KAZN: variants seen among roughly 807,000 people sequenced by gnomAD.
KAZN encodes the protein kazrin, periplakin interacting protein, also known as kazrin.
In KAZN, 40 loss-of-function variants were observed where a neutral mutation model predicts 87.4. The observed-to-expected ratio is 0.46, with a 90% CI of 0.36 to 0.60. KAZN has a LOEUF of 0.60. Among genes scored for constraint, KAZN ranks in the 20% least tolerant of loss-of-function variants. The pLI is 0.00. For missense variants in KAZN, 898 were observed against 1,073.9 expected (o/e 0.84, Z 2.29); for synonymous variants, 466 against 458.3 (o/e 1.02, Z -0.22).
intron 1 of KAZN, among the ~76,000 whole-genome samples, chr1:14,749,742 C>T (rs908527514): frequency 2.6e-4 from 40 of 152,256 alleles, no homozygotes; most frequent in African/African-American, 8.9e-4. Flanking sequence ...AACAGACTTG[C>T]CCAGTCCTCT....
intron 2 of KAZN, among the ~76,000 whole-genome samples, chr1:14,297,080 A>G (rs1359508486): frequency 2.0e-5 from 3 of 152,098 alleles, no homozygotes; most frequent in Admixed American, 6.5e-5. Context: ...ATCAATTAGC[A>G]ATGCATTCAG....
At chr1:15,060,567 T>A in intron 6 of KAZN, 1 of 477,014 alleles carries the variant, frequency 2.1e-6, no homozygotes. Flanking sequence ...AGGCACAGCC[T>A]GGAACTCTGC....
At chr1:14,367,988 G>A (rs1057259656) in intron 2 of KAZN, among the ~76,000 whole-genome samples, 1 of 152,208 alleles carries the variant, frequency 6.6e-6, no homozygotes, top group Non-Finnish European at 1.5e-5. Context: ...GGGATAGCGA[G>A]AGCTTGAAAT....
chr1:14,422,683 A>G (rs1665502627), intron 2 of KAZN, among the ~76,000 whole-genome samples: 1 of 152,228 alleles, frequency 6.6e-6, no homozygotes, highest in Non-Finnish European at 1.5e-5. Context: ...CCTTGCATCC[A>G]GAAGATATTA....
At chr1:14,590,175 C>G (rs1203436872) in intron 2 of KAZN, among the ~76,000 whole-genome samples, 1 of 151,856 alleles carries the variant, frequency 6.6e-6, no homozygotes, top group East Asian at 1.9e-4. Context: ...TACCAGTGAG[C>G]AAAAAAATAA....
At chr1:14,469,502 A>G (rs1336708244) in intron 2 of KAZN, among the ~76,000 whole-genome samples, 1 of 152,182 alleles carries the variant, frequency 6.6e-6, no homozygotes, top group Admixed American at 6.5e-5. Context: ...GAAAACTGTT[A>G]TTGTTGCTGA....
intron 1 of KAZN, among the ~76,000 whole-genome samples, chr1:13,927,495 T>C (rs772866252): frequency 6.6e-6 from 1 of 152,146 alleles, no homozygotes; most frequent in Non-Finnish European, 1.5e-5. Flanking sequence ...CAGAGGTGGG[T>C]TAGGAGTTTG....
chr1:13,920,391 A>C (rs1640018876), intron 1 of KAZN, among the ~76,000 whole-genome samples: 1 of 152,212 alleles, frequency 6.6e-6, no homozygotes, highest in Non-Finnish European at 1.5e-5. Flanking sequence ...CTCACACCAT[A>C]CTGTTTTAAT....
At chr1:15,110,932 C>A (rs1253938209) in intron 13 of KAZN, among the ~76,000 whole-genome samples, 1 of 152,242 alleles carries the variant, frequency 6.6e-6, no homozygotes, top group Non-Finnish European at 1.5e-5. Flanking sequence ...ATCCAGCACC[C>A]CTCTGTGCCA....
intron 8 of KAZN, among the ~76,000 whole-genome samples, chr1:15,084,083 G>T (rs559714471): frequency 5.9e-4 from 90 of 152,330 alleles, no homozygotes; most frequent in African/African-American, 2.1e-3. Flanking sequence ...GTGAATAATG[G>T]TATCATCTTC....
At chr1:13,945,319 A>G (rs1641094820) in intron 1 of KAZN, among the ~76,000 whole-genome samples, 1 of 152,054 alleles carries the variant, frequency 6.6e-6, no homozygotes, top group African/African-American at 2.4e-5. Flanking sequence ...TACTAAAAAT[A>G]CAACATTAGC....
chr1:14,788,455 T>C (rs1037772816), intron 1 of KAZN, among the ~76,000 whole-genome samples: 1 of 151,546 alleles, frequency 6.6e-6, no homozygotes, highest in African/African-American at 2.4e-5. Context: ...GTAAATTGAA[T>C]TCATGGGGAG....
At chr1:14,082,774 T>C (rs1643728214) in intron 1 of KAZN, among the ~76,000 whole-genome samples, 1 of 152,206 alleles carries the variant, frequency 6.6e-6, no homozygotes, top group Non-Finnish European at 1.5e-5. Flanking sequence ...CCTGTATTTC[T>C]CATATTTCCA....
At chr1:14,970,677 T>C (rs545646476) in intron 2 of KAZN, among the ~76,000 whole-genome samples, 74 of 152,320 alleles carry the variant, frequency 4.9e-4, no homozygotes, top group African/African-American at 1.7e-3. Context: ...CGGCGTCTGC[T>C]TCAACACTTG....
intron 1 of KAZN, among the ~76,000 whole-genome samples, chr1:13,980,612 A>G (rs1333914713): frequency 6.6e-6 from 1 of 152,176 alleles, no homozygotes; most frequent in Non-Finnish European, 1.5e-5. Flanking sequence ...TATAGCCCCA[A>G]ATATATAAAG....
chr1:13,933,788 T>C (rs549021643), intron 1 of KAZN, among the ~76,000 whole-genome samples: 1 of 152,344 alleles, frequency 6.6e-6, no homozygotes, highest in East Asian at 1.9e-4. Context: ...TATGACCCAA[T>C]GAGGTGCCTG....
At chr1:14,046,985 G>A (rs1158235392) in intron 1 of KAZN, among the ~76,000 whole-genome samples, 1 of 152,166 alleles carries the variant, frequency 6.6e-6, no homozygotes, top group Non-Finnish European at 1.5e-5. Flanking sequence ...CACCTTATGA[G>A]CCTTTTGAAC....
intron 2 of KAZN, among the ~76,000 whole-genome samples, chr1:14,403,376 T>TA: frequency 6.6e-6 from 1 of 151,484 alleles, no homozygotes; most frequent in Non-Finnish European, 1.5e-5. Flanking sequence ...CAAGAGTTCT[T>TA]AGTAAAGATC....
chr1:14,651,452 T>C (rs1638369320), intron 1 of KAZN, among the ~76,000 whole-genome samples: 1 of 152,132 alleles, frequency 6.6e-6, no homozygotes, highest in African/African-American at 2.4e-5. Context: ...TAGTGGATAA[T>C]ATGTGAGAGG....
Sources: gnomAD v4.1 joint callset for allele counts (sites outside exome capture counted in the v4.1 genomes callset) on GRCh38, gnomAD v4.1.1 for gene constraint, MANE v1.5 for transcripts, NCBI Gene and HGNC (gene_info 2026-07-23, HGNC 2026-07-21) for gene names.